MYO1D: variants seen among roughly 807,000 people sequenced by gnomAD.
MYO1D encodes the protein unconventional myosin-Id.
In MYO1D, 83 loss-of-function variants were observed where a neutral mutation model predicts 122.0. The observed-to-expected ratio is 0.68, with a 90% CI of 0.57 to 0.82. MYO1D has a LOEUF of 0.82. Ranked by LOEUF, MYO1D falls within the 40% of genes least tolerant of loss-of-function variation. MYO1D has a pLI of 0.00. For synonymous variants in MYO1D, 464 were observed against 446.9 expected, an observed-to-expected ratio of 1.04 and a Z score of -0.48; for missense variants, 1,157 against 1,269.5, an observed-to-expected ratio of 0.91 and a Z score of 1.35.
At position 32,671,312 on chromosome 17, in the gene MYO1D, G is replaced by A. The variant is rs571869681; in HGVS notation, c.2122-11974C>T. ...AGATCCCATACTCGCTCGCCCACGT[G>A]CTCCCTCCTGCCAGGGGCTGAGTGC... On this transcript the variant is annotated intron_variant, in intron 16 of 21. Transcript: ENST00000318217. Among the ~76,000 whole-genome samples the A allele has an allele frequency of 9.8e-5, 15 of 152,308 alleles. No homozygotes were observed. In the South Asian group the frequency reaches 3.1e-3, roughly 32 times the overall value.
At chr17:32,581,561 C>A (rs1443691187) in intron 21 of MYO1D, among the ~76,000 whole-genome samples, 2 of 150,980 alleles carry the variant, frequency 1.3e-5, no homozygotes, top group African/African-American at 4.9e-5. Flanking sequence ...CTTTCCCTCT[C>A]CATGCCCCTC....
At chr17:32,554,308 G>A (rs1021087316) in intron 21 of MYO1D, among the ~76,000 whole-genome samples, 1 of 152,182 alleles carries the variant, frequency 6.6e-6, no homozygotes, top group African/African-American at 2.4e-5. Context: ...GCAGGAAAGG[G>A]TTGGAATCAC....
chr17:32,659,937 C>G lies in MYO1D; in HGVS notation c.2122-599G>C, dbSNP rs529831440. On this transcript the variant is annotated intron_variant, in intron 16 of 21. Transcript: ENST00000318217. ...TTTCAGTGCTCACAAATCAATGACA[C>G]TATATAAACGCCTCAATGCCAACTT... Among the ~76,000 whole-genome samples, 16 of 152,314 alleles carry G rather than the reference C, an allele frequency of 1.1e-4. 1 individual carries two copies. In the South Asian group the frequency reaches 3.3e-3, roughly 32 times the overall value.
chr17:32,807,137 G>GA lies in MYO1D; in HGVS notation c.96-26354dup, dbSNP rs1423046078. On this transcript the variant is annotated intron_variant, in intron 1 of 21. Coordinates refer to ENST00000318217, the MANE Select transcript of MYO1D (RefSeq NM_015194.3). ...CACAAAGTCAATTTAAACCAGATTGGAAAAAAATCACAAAAATTAATACAC... is the reference window on the plus strand; with the variant it reads ...CACAAAGTCAATTTAAACCAGATTGGAAAAAAAATCACAAAAATTAATACAC... 5.9e-5 allele frequency among the ~76,000 whole-genome samples: 9 copies of GA among 152,004 alleles called. No homozygotes were observed. In the East Asian group the frequency reaches 9.7e-4, roughly 16 times the overall value.
chr17:32,588,045 T>C (rs1343734256), intron 21 of MYO1D, among the ~76,000 whole-genome samples: 1 of 152,262 alleles, frequency 6.6e-6, no homozygotes, highest in African/African-American at 2.4e-5. Flanking sequence ...ATAAATTTGG[T>C]AAATTAGATG....
At chr17:32,510,111 C>T (rs1031467388) in intron 21 of MYO1D, 6 of 152,244 alleles carry the variant, frequency 3.9e-5, no homozygotes, top group African/African-American at 1.4e-4. Context: ...AAAGCTCAAG[C>T]AACTTCTTGC....
intron 1 of MYO1D, among the ~76,000 whole-genome samples, chr17:32,805,245 A>C (rs1313126241): frequency 6.6e-6 from 1 of 152,194 alleles, no homozygotes; most frequent in Admixed American, 6.5e-5. Context: ...TGAGCAATAC[A>C]TTTCTGTTGC....
At position 32,519,934 on chromosome 17, in the gene MYO1D, A is replaced by G. The variant is rs529702906; in HGVS notation, c.2865-25019T>C. On this transcript the variant is annotated intron_variant, in intron 21 of 21. Transcript: ENST00000318217. ...AAAACCAGGGCGATGTCTTAGCCAG[A>G]AATAGTTAAGAAGGGAGGAGAAAGG... 5.3e-5 allele frequency among the ~76,000 whole-genome samples: 8 copies of G among 150,898 alleles called. No individual in the cohort carries two copies. In the South Asian group the frequency reaches 1.5e-3, roughly 28 times the overall value.
chr17:32,734,496 G>A (rs2089674255), intron 14 of MYO1D, among the ~76,000 whole-genome samples: 1 of 151,722 alleles, frequency 6.6e-6, no homozygotes, highest in South Asian at 2.1e-4. Flanking sequence ...TTCCTTTTCT[G>A]GCTTCTTAAG....
chr17:32,602,186 G>C (rs1414745201), intron 21 of MYO1D, among the ~76,000 whole-genome samples: 1 of 152,088 alleles, frequency 6.6e-6, no homozygotes, highest in Non-Finnish European at 1.5e-5. Context: ...ATAAACATCT[G>C]AAATCTAGTT....
At chr17:32,691,317 C>T (rs897904127) in intron 16 of MYO1D, among the ~76,000 whole-genome samples, 2 of 151,404 alleles carry the variant, frequency 1.3e-5, no homozygotes, top group Admixed American at 6.6e-5. Context: ...GTACTCATAG[C>T]CAATCGCTCT....
At chr17:32,558,308 C>CAG (rs2087085998) in intron 21 of MYO1D, among the ~76,000 whole-genome samples, 1 of 152,188 alleles carries the variant, frequency 6.6e-6, no homozygotes, top group Admixed American at 6.5e-5. Flanking sequence ...TAACACTGAA[C>CAG]AGAAGATGGA....
intron 12 of MYO1D, chr17:32,745,499 T>C: frequency 2.4e-6 from 1 of 415,658 alleles, no homozygotes; most frequent in South Asian, 3.9e-5. Flanking sequence ...AAGATGATAA[T>C]TCCCTACTGG....
At chr17:32,573,001 C>T (rs1426387413) in intron 21 of MYO1D, among the ~76,000 whole-genome samples, 3 of 152,046 alleles carry the variant, frequency 2.0e-5, no homozygotes, top group Non-Finnish European at 4.4e-5. Flanking sequence ...AGAATAAGAG[C>T]CCTTTAAGAA....
chr17:32,562,235 T>A (rs1412373997), intron 21 of MYO1D, among the ~76,000 whole-genome samples: 1 of 151,580 alleles, frequency 6.6e-6, no homozygotes, highest in Non-Finnish European at 1.5e-5. Flanking sequence ...TCAATGAACA[T>A]TTTTTTTGAA....
At position 32,713,914 on chromosome 17, in the gene MYO1D, G is replaced by GCACT. The variant is rs142642789; in HGVS notation, c.1914-1723_1914-1720dup. 2.5e-3 allele frequency among the ~76,000 whole-genome samples: 374 copies of GCACT among 152,218 alleles called. 4 individuals are homozygous for GCACT. The highest frequency in any genetic ancestry group is 6.8e-3 in the African/African-American group (284 of 41,538). On this transcript the variant is annotated intron_variant, in intron 15 of 21. Coordinates refer to ENST00000318217, the MANE Select transcript of MYO1D (RefSeq NM_015194.3). ...GCTGGGATTATAGGCAAGAGCCACT[G>GCACT]CACTCAGTGAATCCATTAATTTTTA...
At chr17:32,708,722 C>T (rs1335497141) in intron 16 of MYO1D, among the ~76,000 whole-genome samples, 1 of 152,066 alleles carries the variant, frequency 6.6e-6, no homozygotes, top group Non-Finnish European at 1.5e-5. Flanking sequence ...GGAAGGAGAC[C>T]CTTATATTCC....
At chr17:32,687,408 A>G (rs2089033281) in intron 16 of MYO1D, among the ~76,000 whole-genome samples, 1 of 152,178 alleles carries the variant, frequency 6.6e-6, no homozygotes, top group South Asian at 2.1e-4. Context: ...CATGTTAGCC[A>G]GGATGGTCTC....
intron 1 of MYO1D, among the ~76,000 whole-genome samples, chr17:32,826,767 C>T (rs1352009172): frequency 6.6e-6 from 1 of 152,138 alleles, no homozygotes; most frequent in Non-Finnish European, 1.5e-5. Flanking sequence ...GAAAATATTT[C>T]AGAAGTGCAA....
Sources: allele counts gnomAD v4.1 joint callset (sites outside exome capture counted in the v4.1 genomes callset), GRCh38; gene constraint gnomAD v4.1.1; transcripts MANE v1.5; gene names NCBI Gene and HGNC (gene_info 2026-07-23, HGNC 2026-07-21).